SLC5A8: variants seen among roughly 807,000 people sequenced by gnomAD.
SLC5A8 encodes solute carrier family 5 member 8, also known as sodium-coupled monocarboxylate transporter 1.
A neutral mutation model predicts 71.9 loss-of-function variants in SLC5A8; 55 were observed. The ratio of observed to expected loss-of-function variants is 0.77; its 90% confidence interval spans 0.62 to 0.96. The LOEUF (loss-of-function observed/expected upper bound fraction) is 0.96. Among genes scored for constraint, SLC5A8 ranks in the 40% least tolerant of loss-of-function variants. The probability of loss-of-function intolerance (pLI) is 0.00; values close to 1 mark genes in which losing one functional copy is unlikely to be tolerated. For synonymous variants in SLC5A8, 307 were observed against 276.1 expected (o/e 1.11, Z -1.11); for missense variants, 701 against 745.3 (o/e 0.94, Z 0.69).
chr12:101,200,026 AAAAAAAAAAAAAAAAAAAAAAAAAAAAAG>A (rs1429716316), intron 3 of SLC5A8, among the ~76,000 whole-genome samples: 19 of 94,988 alleles, frequency 2.0e-4, no homozygotes, highest in African/African-American at 3.2e-4. Context: ...AAAAAAAAAA[AAAAAAAAAAAAAAAAAAAAAAAAAAAAAG>A]GGAATGAACT....
chr12:101,188,575 C>T (rs568060804), intron 6 of SLC5A8, among the ~76,000 whole-genome samples: 1 of 152,240 alleles, frequency 6.6e-6, no homozygotes, highest in South Asian at 2.1e-4. Context: ...CTAGAGCTCC[C>T]TTTGAGGCCT....
At chr12:101,200,929 C>A (rs968820267) in intron 3 of SLC5A8, among the ~76,000 whole-genome samples, 2 of 152,162 alleles carry the variant, frequency 1.3e-5, no homozygotes, top group Non-Finnish European at 2.9e-5. Flanking sequence ...ATCTATTGCA[C>A]ACTAAGTTCT....
At chr12:101,166,934 A>G (rs574026813) in intron 11 of SLC5A8, among the ~76,000 whole-genome samples, 2 of 152,238 alleles carry the variant, frequency 1.3e-5, no homozygotes, top group Non-Finnish European at 2.9e-5. Flanking sequence ...GGAGTGAGAA[A>G]GGCCACTTTT....
At chr12:101,190,359 A>C in intron 6 of SLC5A8, 109 bp downstream of exon 6, 1 of 1,209,006 alleles carries the variant, frequency 8.3e-7, no homozygotes, top group South Asian at 1.5e-5. Flanking sequence ...TATCTCTTGG[A>C]ATTTCATGAC....
intron 10 of SLC5A8, among the ~76,000 whole-genome samples, chr12:101,177,491 A>G (rs1282778186): frequency 6.6e-6 from 1 of 151,670 alleles, no homozygotes; most frequent in Non-Finnish European, 1.5e-5. Context: ...ATGCATGCAC[A>G]CACACACACC....
chr12:101,159,193 A>G (rs1392893223), intron 13 of SLC5A8, among the ~76,000 whole-genome samples: 1 of 152,148 alleles, frequency 6.6e-6, no homozygotes, highest in Non-Finnish European at 1.5e-5. Flanking sequence ...TATGCCCTCT[A>G]AAGTTTAAGA....
intron 5 of SLC5A8, among the ~76,000 whole-genome samples, chr12:101,193,000 C>T (rs1407506670): frequency 7.5e-6 from 1 of 132,760 alleles, no homozygotes; most frequent in African/African-American, 2.9e-5. Flanking sequence ...GAGACAGAGT[C>T]TCACTCTGTT....
In SLC5A8 at chr12:101,156,433, A is replaced by T. The variant is rs574474284; in HGVS notation, c.*846T>A. ...ATAGTCTGGGACTTGATAAGCCAGG[A>T]TTTGGGGTGGCATGATTCACATGAG... On this transcript the variant is annotated 3_prime_UTR_variant, in exon 15 of 15. Transcript: ENST00000536262. 1 of 152,310 alleles carries T rather than the reference A, an allele frequency of 6.6e-6. No individual in the cohort carries two copies. The highest frequency in any genetic ancestry group is 1.9e-4 in the East Asian group (1 of 5,194). The allele number at this position is 152,310 out of a possible 1,614,324, so 9.4% of individuals were successfully genotyped here.
In SLC5A8 at chr12:101,156,462, C is replaced by T. The variant is rs1316623735; in HGVS notation, c.*817G>A. On this transcript the variant is annotated 3_prime_UTR_variant, in exon 15 of 15. Transcript: ENST00000536262. ...GGGGTGGCATGATTCACATGAGTGT[C>T]TTGAGACATATCCAAGCCCAGGGCA... 2 of 152,142 alleles carry T rather than the reference C, an allele frequency of 1.3e-5. No homozygotes were observed. Among genetic ancestry groups the T allele is most frequent in the African/African-American group, 4.8e-5 (2 of 41,426 alleles). 9.4% of individuals were successfully genotyped at this position (152,142 alleles called of 1,614,324 possible).
At chr12:101,172,409 T>C (rs1321455467) in intron 10 of SLC5A8, among the ~76,000 whole-genome samples, 2 of 151,950 alleles carry the variant, frequency 1.3e-5, no homozygotes, top group Non-Finnish European at 2.9e-5. Flanking sequence ...CTGGACGACA[T>C]TGGTATTAAG....
intron 10 of SLC5A8, among the ~76,000 whole-genome samples, chr12:101,168,920 G>T (rs1400281398): frequency 1.3e-5 from 2 of 152,114 alleles, no homozygotes; most frequent in African/African-American, 4.8e-5. Flanking sequence ...AGAGTAAAGG[G>T]GTTTAATAGA....
At chr12:101,165,504 C>A (rs751490000) in intron 12 of SLC5A8, among the ~76,000 whole-genome samples, 27 of 152,120 alleles carry the variant, frequency 1.8e-4, no homozygotes, top group Non-Finnish European at 4.4e-5. Context: ...GCCCCTCTCT[C>A]CACAGCACCT....
At position 101,210,198 on chromosome 12, in the gene SLC5A8, C is replaced by A; in HGVS notation, c.-350G>T. The A allele has an allele frequency of 3.8e-6, 1 of 265,884 alleles. No individual in the cohort carries two copies. The highest frequency in any genetic ancestry group is 7.0e-6 in the Non-Finnish European group (1 of 143,084). The allele number at this position is 265,884 out of a possible 1,614,324, so 16.5% of individuals were successfully genotyped here. A position where few individuals can be genotyped will look rare whatever the true frequency, so the allele number is the denominator to read the frequency against. On this transcript the variant is annotated 5_prime_UTR_variant, in exon 1 of 15. Coordinates refer to ENST00000536262, the MANE Select transcript of SLC5A8 (RefSeq NM_145913.5). ...GAGAACTGGAGCCTCCAGCTGCTTC[C>A]AGCGAATCTACACAGGGAGCGCTCT...
rs866410623 is a variant in SLC5A8, at chr12:101,190,601, G to A, written c.700C>T (p.Pro234Ser). The A allele has an allele frequency of 6.3e-7, 1 of 1,597,620 alleles. No individual in the cohort carries two copies. The highest frequency in any genetic ancestry group is 1.1e-5 in the South Asian group (1 of 87,374). The change falls in exon 6 of 15, where the codon CCT becomes TCT. Residue 234 changes from proline to serine, a missense_variant. Physicochemically the swap from Pro to Ser is moderately conservative, Grantham distance 74. Transcript: ENST00000536262. ...AAGGTGTGTCTTTGCAAAGGGTTAGGATTAAAACTAAATGACAAGAAACAG... is the reference window on the plus strand; with the variant it reads ...AAGGTGTGTCTTTGCAAAGGGTTAGAATTAAAACTAAATGACAAGAAACAG... ...GGRLNFWNFNPNPLQRHTFWT... is the reference protein window; with the variant it reads ...GGRLNFWNFNSNPLQRHTFWT...
intron 7 of SLC5A8, among the ~76,000 whole-genome samples, chr12:101,186,417 A>C (rs1477879259): frequency 6.6e-6 from 1 of 152,194 alleles, no homozygotes; most frequent in Non-Finnish European, 1.5e-5. Context: ...ACAGAAATTC[A>C]ATCTATTTTC....
At chr12:101,187,801 C>T (rs1230047349) in intron 6 of SLC5A8, among the ~76,000 whole-genome samples, 3 of 152,074 alleles carry the variant, frequency 2.0e-5, no homozygotes, top group Non-Finnish European at 4.4e-5. Context: ...TATAAAGGTA[C>T]CTAGTTATAC....
intron 2 of SLC5A8, among the ~76,000 whole-genome samples, chr12:101,203,715 C>T (rs565859088): frequency 2.4e-4 from 36 of 152,326 alleles, no homozygotes; most frequent in African/African-American, 7.9e-4. Flanking sequence ...CTTCCACAAC[C>T]TCCATTAGCA....
chr12:101,171,289 C>T (rs2051827443), intron 10 of SLC5A8, among the ~76,000 whole-genome samples: 1 of 152,156 alleles, frequency 6.6e-6, no homozygotes. Flanking sequence ...AAATCCCCGG[C>T]CAGGTTGCTT....
intron 3 of SLC5A8, among the ~76,000 whole-genome samples, chr12:101,199,879 C>T (rs373642868): frequency 1.3e-5 from 2 of 150,886 alleles, no homozygotes; most frequent in African/African-American, 4.9e-5. Context: ...AAACAAAATG[C>T]ACAAAACCTT....
Sources: allele counts gnomAD v4.1 joint callset (sites outside exome capture counted in the v4.1 genomes callset), GRCh38; gene constraint gnomAD v4.1.1; transcripts MANE v1.5; gene names NCBI Gene and HGNC (gene_info 2026-07-23, HGNC 2026-07-21).